SMAD9: variants seen among roughly 807,000 people sequenced by gnomAD.
SMAD9 encodes MAD homolog 9.
Under a neutral mutation model 46.1 loss-of-function variants are expected in SMAD9, and 36 were observed. That is an observed-to-expected ratio of 0.78 (90% confidence interval 0.60 to 1.03). The LOEUF (loss-of-function observed/expected upper bound fraction) is 1.03, where lower values mean the gene tolerates loss of function less well. Ranked by LOEUF, SMAD9 falls within the 50% of genes least tolerant of loss-of-function variation. SMAD9 has a pLI of 0.00. For synonymous variants in SMAD9, 245 were observed against 237.1 expected (o/e 1.03, Z -0.31); for missense variants, 572 against 599.8 (o/e 0.95, Z 0.48).
chr13:36,909,522 A>G (rs925328329), intron 1 of SMAD9, among the ~76,000 whole-genome samples: 3 of 152,188 alleles, frequency 2.0e-5, no homozygotes, highest in African/African-American at 7.2e-5. Context: ...TAGTCAGCAT[A>G]TTCTTGGAAA....
At chr13:36,901,913 G>C (rs74816317) in intron 1 of SMAD9, among the ~76,000 whole-genome samples, 1 of 152,172 alleles carries the variant, frequency 6.6e-6, no homozygotes, top group Non-Finnish European at 1.5e-5. Flanking sequence ...TAGACCCTGA[G>C]ATACATGATT....
intron 6 of SMAD9, among the ~76,000 whole-genome samples, chr13:36,853,157 T>C (rs961405664): frequency 6.6e-6 from 1 of 152,088 alleles, no homozygotes. Flanking sequence ...TGGTGGTGCG[T>C]GCCTGTAGTC....
At chr13:36,909,326 T>G (rs1196037049) in intron 1 of SMAD9, among the ~76,000 whole-genome samples, 1 of 152,220 alleles carries the variant, frequency 6.6e-6, no homozygotes, top group Non-Finnish European at 1.5e-5. Context: ...TAGAATGTTC[T>G]ATATTTTTCC....
intron 6 of SMAD9, among the ~76,000 whole-genome samples, chr13:36,850,986 T>TG (rs2058069952): frequency 6.6e-6 from 1 of 152,266 alleles, no homozygotes; most frequent in Admixed American, 6.5e-5. Context: ...TCCCTCCAGG[T>TG]GGGGGCGACT....
intron 3 of SMAD9, 138 bp from the exon 4 acceptor site, chr13:36,867,521 CA>C: frequency 1.8e-6 from 1 of 559,122 alleles, no homozygotes; most frequent in East Asian, 2.9e-5. Flanking sequence ...ATTAATGTAA[CA>C]AGGCTCTTCT....
At chr13:36,907,149 T>C (rs1201847451) in intron 1 of SMAD9, among the ~76,000 whole-genome samples, 1 of 152,172 alleles carries the variant, frequency 6.6e-6, no homozygotes, top group Non-Finnish European at 1.5e-5. Context: ...GGACAAATGA[T>C]GCATGATTCC....
At chr13:36,917,771 C>A (rs549344913) in intron 1 of SMAD9, among the ~76,000 whole-genome samples, 1 of 152,164 alleles carries the variant, frequency 6.6e-6, no homozygotes, top group Non-Finnish European at 1.5e-5. Flanking sequence ...CTATTTATTA[C>A]AGAGGGAATG....
At chr13:36,911,306 G>C (rs2058659092) in intron 1 of SMAD9, among the ~76,000 whole-genome samples, 3 of 151,934 alleles carry the variant, frequency 2.0e-5, no homozygotes, top group Admixed American at 6.6e-5. Context: ...CATTGCACCT[G>C]GCCAACTATT....
chr13:36,901,985 T>C (rs1015129720), intron 1 of SMAD9, among the ~76,000 whole-genome samples: 1 of 152,234 alleles, frequency 6.6e-6, no homozygotes, highest in African/African-American at 2.4e-5. Context: ...ATTTGATGCA[T>C]GCAAGTTTTT....
chr13:36,860,848 T>G (rs1005802363), intron 5 of SMAD9, among the ~76,000 whole-genome samples: 1 of 152,114 alleles, frequency 6.6e-6, no homozygotes, highest in Non-Finnish European at 1.5e-5. Context: ...AGAGTTCAAG[T>G]GGTCTGCCTA....
chr13:36,846,146 A>C lies in SMAD9; in HGVS notation c.*2530T>G, dbSNP rs2058037054. 6.7e-6 allele frequency: 1 copy of C among 150,268 alleles called. No homozygotes were observed. Among genetic ancestry groups the C allele is most frequent in the Admixed American group, 6.6e-5 (1 of 15,096 alleles). 9.3% of individuals were successfully genotyped at this position (150,268 alleles called of 1,614,324 possible). The stretch of plus-strand genomic sequence containing the variant: ...AGATTTTTTTTTTGTTTTTAATGTC[A>C]TTTATGAGCCACCAGTTTAGATTAA... On this transcript the variant is annotated 3_prime_UTR_variant, in exon 7 of 7. Coordinates refer to ENST00000379826, the MANE Select transcript of SMAD9 (RefSeq NM_001127217.3).
chr13:36,879,266 A>G lies in SMAD9; in HGVS notation c.412+12T>C. The G allele has an allele frequency of 6.2e-7, 1 of 1,613,362 alleles. No homozygotes were observed. Among genetic ancestry groups the G allele is most frequent in the Non-Finnish European group, 8.5e-7 (1 of 1,179,506 alleles). On this transcript the variant is annotated intron_variant, in intron 2 of 6. Transcript: ENST00000379826. ...TCTGAAAATAAACCTTGACGTCGTA[A>G]AGACGACCCACCTGGAGTCTCCACC...
chr13:36,874,751 G>C (rs184565325), intron 2 of SMAD9, among the ~76,000 whole-genome samples: 16 of 151,050 alleles, frequency 1.1e-4, no homozygotes, highest in Admixed American at 3.3e-4. Flanking sequence ...CAGCTACTTG[G>C]GGGGGCTGAG....
intron 4 of SMAD9, among the ~76,000 whole-genome samples, chr13:36,866,221 A>C (rs554247108): frequency 6.6e-6 from 1 of 152,290 alleles, no homozygotes; most frequent in South Asian, 2.1e-4. Context: ...GATGGAAAAC[A>C]ATAGTTTGAC....
Position 36,865,470 on chromosome 13 carries a change from C to T in SMAD9, c.1003+67G>A, listed in dbSNP as rs376825450. The T allele has an allele frequency of 2.0e-4, 261 of 1,319,196 alleles. 1 individual carries two copies. In the East Asian group the frequency reaches 4.3e-3, roughly 22 times the overall value. The allele number at this position is 1,319,196 out of a possible 1,614,324, so 81.7% of individuals were successfully genotyped here. On this transcript the variant is annotated intron_variant, in intron 5 of 6. Transcript: ENST00000379826. ...ACCAACATGTGAGGGTGGTCACGTG[C>T]ACTTCTACACACATGACCATCTACA... is the stretch of plus-strand genomic sequence containing the variant.
intron 1 of SMAD9, among the ~76,000 whole-genome samples, chr13:36,903,834 G>A (rs935859150): frequency 1.3e-5 from 2 of 152,070 alleles, no homozygotes; most frequent in Admixed American, 6.5e-5. Context: ...AGCCACATCA[G>A]CAAGTCTGAA....
rs1447134061 is a variant in SMAD9, at chr13:36,850,250, C to T, written c.1261-1431G>A. The stretch of plus-strand genomic sequence containing the variant: ...TCTTTTCTCGGCTTCCAAAGCACCA[C>T]ACTTCTTGGTCTTATTACTACCTCA... On this transcript the variant is annotated intron_variant, in intron 6 of 6. Transcript: ENST00000379826. Among the ~76,000 whole-genome samples, 10 of 152,348 alleles carry T rather than the reference C, an allele frequency of 6.6e-5. No homozygotes were observed. In the South Asian group the frequency reaches 8.3e-4, roughly 13 times the overall value.
At chr13:36,906,497 C>T (rs1425290256) in intron 1 of SMAD9, among the ~76,000 whole-genome samples, 1 of 151,424 alleles carries the variant, frequency 6.6e-6, no homozygotes, top group East Asian at 1.9e-4. Context: ...GAAATTGAGA[C>T]AAAAAAGAAA....
intron 3 of SMAD9, among the ~76,000 whole-genome samples, chr13:36,870,106 G>T (rs774735264): frequency 3.4e-4 from 51 of 152,210 alleles, no homozygotes; most frequent in Non-Finnish European, 6.8e-4. Context: ...AGTGAAAAGG[G>T]CTATGCCTTC....
Sources: gnomAD v4.1 joint callset for allele counts (sites outside exome capture counted in the v4.1 genomes callset) on GRCh38, gnomAD v4.1.1 for gene constraint, MANE v1.5 for transcripts, NCBI Gene and HGNC (gene_info 2026-07-23, HGNC 2026-07-21) for gene names.